Variants in KDM4C observed in about 807,000 individuals in gnomAD.
The protein encoded by KDM4C is lysine-specific demethylase 4C.
In KDM4C, 81 loss-of-function variants were observed where a neutral mutation model predicts 129.3. That is an observed-to-expected ratio of 0.63 (90% CI 0.52 to 0.75). KDM4C has a LOEUF of 0.75. KDM4C is among the 30% of genes least tolerant of loss of function. The pLI is 0.00. For missense variants in KDM4C, 1,457 were observed against 1,304.0 expected, an observed-to-expected ratio of 1.12 and a Z score of -1.81; for synonymous variants, 573 against 456.1, an observed-to-expected ratio of 1.26 and a Z score of -3.26.
chr9:6,874,577 T>C lies in KDM4C; in HGVS notation c.630-5435T>C, dbSNP rs1410966888. Among the ~76,000 whole-genome samples, 6 of 152,360 alleles carry C rather than the reference T, an allele frequency of 3.9e-5. No homozygotes were observed. The South Asian group carries it at 1.2e-3, about 32-fold the overall frequency. ...TTTATAACGGAATTAGATGACTTTT[T>C]TTGTGGCAGCTGCTACAATTCATGG... On this transcript the variant is annotated intron_variant, in intron 5 of 21. Coordinates refer to ENST00000381309, the MANE Select transcript of KDM4C (RefSeq NM_015061.6).
At chr9:7,068,015 C>G (rs1426965983) in intron 17 of KDM4C, among the ~76,000 whole-genome samples, 1 of 152,140 alleles carries the variant, frequency 6.6e-6, no homozygotes, top group Non-Finnish European at 1.5e-5. Flanking sequence ...TCAGGATGGT[C>G]TCGATCTCCT....
In KDM4C at chr9:6,889,040, G is replaced by A. The variant is rs558781610; in HGVS notation, c.783+977G>A. Among the ~76,000 whole-genome samples the A allele has an allele frequency of 9.3e-3, 293 of 31,622 alleles. 98 individuals are homozygous for A. Among genetic ancestry groups the A allele is most frequent in the Middle Eastern group, 0.023 (1 of 44 alleles). 20.7% of individuals were successfully genotyped at this position (31,622 alleles called of 152,430 possible). A position where few individuals can be genotyped will look rare whatever the true frequency, so the allele number is the denominator to read the frequency against. ...CCCGACCTCGTGATCCGCCCGCCTC[G>A]GCCTCCCAAAGTGCTGGGATTACAG... On this transcript the variant is annotated intron_variant, in intron 7 of 21. Transcript: ENST00000381309.
At chr9:6,783,129 T>G (rs1824723821) in intron 1 of KDM4C, among the ~76,000 whole-genome samples, 1 of 152,194 alleles carries the variant, frequency 6.6e-6, no homozygotes, top group Non-Finnish European at 1.5e-5. Flanking sequence ...AAAAGGTAGC[T>G]CCCACTGTTC....
intron 4 of KDM4C, among the ~76,000 whole-genome samples, chr9:6,838,457 T>C (rs987513081): frequency 6.6e-6 from 1 of 152,186 alleles, no homozygotes; most frequent in Non-Finnish European, 1.5e-5. Flanking sequence ...ACCAGGAAAC[T>C]CCATTAACTT....
At chr9:6,890,162 C>A (rs963535328) in intron 7 of KDM4C, among the ~76,000 whole-genome samples, 7 of 152,154 alleles carry the variant, frequency 4.6e-5, no homozygotes, top group Non-Finnish European at 8.8e-5. Context: ...GTGATGATAG[C>A]GTAACATATG....
At position 6,758,569 on chromosome 9, in the gene KDM4C, C is replaced by T. The variant is rs965945927; in HGVS notation, c.-18+366C>T. On this transcript the variant is annotated intron_variant, in intron 1 of 21. Coordinates refer to ENST00000381309, the MANE Select transcript of KDM4C (RefSeq NM_015061.6). This position sits in a 1 kb window ranked among gnomAD's most constrained non-coding sequence, Gnocchi z 4.6. ...GCCGCCAGTCGGCTGTGGCGGACTC[C>T]AGGAAGGCCGGGCCTGGTGCACCCC... 2.0e-5 allele frequency among the ~76,000 whole-genome samples: 3 copies of T among 152,186 alleles called. No individual in the cohort carries two copies. Among genetic ancestry groups the T allele is most frequent in the Non-Finnish European group, 4.4e-5 (3 of 68,034 alleles).
intron 18 of KDM4C, among the ~76,000 whole-genome samples, chr9:7,113,894 C>T (rs1378228513): frequency 6.6e-6 from 1 of 152,048 alleles, no homozygotes; most frequent in Admixed American, 6.6e-5. Context: ...ACAATCTTGA[C>T]TCCAGGCAGT....
At chr9:6,996,060 G>A (rs1041199916) in intron 12 of KDM4C, among the ~76,000 whole-genome samples, 4 of 152,208 alleles carry the variant, frequency 2.6e-5, no homozygotes, top group African/African-American at 9.7e-5. Context: ...CTGGACTTTA[G>A]TCTAACCATC....
At chr9:6,843,054 C>T (rs1390219313) in intron 4 of KDM4C, among the ~76,000 whole-genome samples, 2 of 152,046 alleles carry the variant, frequency 1.3e-5, no homozygotes, top group African/African-American at 2.4e-5. Flanking sequence ...CTCAGCCTCC[C>T]GAGTAGCTGG....
intron 10 of KDM4C, 96 bp downstream of exon 10, chr9:6,984,500 G>T: frequency 1.3e-6 from 1 of 777,014 alleles, no homozygotes; most frequent in South Asian, 1.6e-5. Flanking sequence ...TATCTGACTA[G>T]TCCACATAGC....
intron 17 of KDM4C, among the ~76,000 whole-genome samples, chr9:7,091,255 T>C (rs1337503594): frequency 6.6e-6 from 1 of 152,094 alleles, no homozygotes; most frequent in African/African-American, 2.4e-5. Flanking sequence ...GAGGTCTGAA[T>C]TCACTTGGGA....
At chr9:6,956,867 G>A (rs1189764731) in intron 8 of KDM4C, among the ~76,000 whole-genome samples, 2 of 152,224 alleles carry the variant, frequency 1.3e-5, no homozygotes, top group Middle Eastern at 3.4e-3. Context: ...TGGCTTCAGA[G>A]CTCAGCTGGA....
chr9:7,032,087 G>C (rs1012641983), intron 15 of KDM4C, among the ~76,000 whole-genome samples: 1 of 152,194 alleles, frequency 6.6e-6, no homozygotes, highest in Non-Finnish European at 1.5e-5. Context: ...TCCAACCCCT[G>C]TAACTCTGTA....
chr9:6,902,415 G>A (rs1032369749), intron 8 of KDM4C, among the ~76,000 whole-genome samples: 73 of 152,218 alleles, frequency 4.8e-4, no homozygotes, highest in Non-Finnish European at 2.4e-4. Flanking sequence ...AGGAGTGCAC[G>A]TAAAAAACCC....
At chr9:6,766,987 C>G (rs1165818729) in intron 1 of KDM4C, among the ~76,000 whole-genome samples, 1 of 152,046 alleles carries the variant, frequency 6.6e-6, no homozygotes, top group Non-Finnish European at 1.5e-5. Context: ...TTTGTCTGAT[C>G]ATTAGTATAT....
intron 8 of KDM4C, among the ~76,000 whole-genome samples, chr9:6,903,625 A>G (rs1166257652): frequency 6.6e-6 from 1 of 152,206 alleles, no homozygotes; most frequent in Non-Finnish European, 1.5e-5. Context: ...TTGTAACTAA[A>G]ATGTCCAATG....
chr9:6,828,275 A>T (rs1020979137), intron 4 of KDM4C, among the ~76,000 whole-genome samples: 3 of 151,908 alleles, frequency 2.0e-5, no homozygotes, highest in African/African-American at 7.3e-5. Flanking sequence ...AGCCTCCCGA[A>T]TAGCTGGGAC....
rs941965718 is a variant in KDM4C, at chr9:6,990,187, A to C, written c.1678-229A>C. 3.9e-5 allele frequency among the ~76,000 whole-genome samples: 6 copies of C among 152,328 alleles called. No individual in the cohort carries two copies. The East Asian group carries it at 1.2e-3, about 29-fold the overall frequency. On this transcript the variant is annotated intron_variant, in intron 11 of 21. Transcript: ENST00000381309. ...TGCCCTACAGCTTGTATTTTAATAC[A>C]AAGTGGAAGAAGAATTAATTGACCT...
At chr9:6,816,769 C>T (rs1832177801) in intron 4 of KDM4C, among the ~76,000 whole-genome samples, 1 of 151,724 alleles carries the variant, frequency 6.6e-6, no homozygotes, top group Non-Finnish European at 1.5e-5. Context: ...ATGATTTTTT[C>T]CCCTTATGTT....
Sources: allele counts gnomAD v4.1 joint callset (sites outside exome capture counted in the v4.1 genomes callset), GRCh38; gene constraint gnomAD v4.1.1; non-coding constraint Gnocchi (gnomAD v3.1); transcripts MANE v1.5; gene names NCBI Gene and HGNC (gene_info 2026-07-23, HGNC 2026-07-21).